The following NCALD variants were observed in gnomAD, a reference collection of about 807,000 sequenced individuals.
NCALD encodes neurocalcin delta.
Under a neutral mutation model 18.6 loss-of-function variants are expected in NCALD, and 10 were observed. That is an observed-to-expected ratio of 0.54 (90% confidence interval 0.33 to 0.91). NCALD has a LOEUF of 0.91. Ranked by LOEUF, NCALD falls within the 40% of genes least tolerant of loss-of-function variation. NCALD has a pLI of 0.03. For synonymous variants in NCALD, 88 were observed against 87.4 expected, an observed-to-expected ratio of 1.01 and a Z score of -0.04; for missense variants, 184 against 247.6, an observed-to-expected ratio of 0.74 and a Z score of 1.72.
At chr8:102,082,226 CTT>C (rs757875219) in intron 1 of NCALD, among the ~76,000 whole-genome samples, 2 of 71,862 alleles carry the variant, frequency 2.8e-5, no homozygotes, top group Admixed American at 1.7e-4. Context: ...GAAGCTCTCT[CTT>C]TTTTTTTTTT....
intron 3 of NCALD, among the ~76,000 whole-genome samples, chr8:101,891,064 A>G (rs979970214): frequency 6.6e-6 from 1 of 152,238 alleles, no homozygotes; most frequent in Admixed American, 6.5e-5. Context: ...TACAAATGGT[A>G]TCTTTTTCAC....
intron 1 of NCALD, among the ~76,000 whole-genome samples, chr8:101,737,804 T>C (rs7002547): frequency 0.61 from 93,511 of 152,092 alleles, 31,348 homozygotes; most frequent in Non-Finnish European, 0.75. Context: ...CTTCCCTCTG[T>C]AGCACTGAGA....
chr8:101,769,122 C>G (rs1811475702), intron 1 of NCALD, among the ~76,000 whole-genome samples: 1 of 152,164 alleles, frequency 6.6e-6, no homozygotes, highest in Non-Finnish European at 1.5e-5. Context: ...AGCTTCTCCC[C>G]TAGACCCTCA....
intron 1 of NCALD, among the ~76,000 whole-genome samples, chr8:101,753,983 C>A (rs1468158512): frequency 1.3e-5 from 2 of 152,166 alleles, no homozygotes; most frequent in African/African-American, 4.8e-5. Flanking sequence ...AGAGAAGGAT[C>A]CAGACAATGC....
At chr8:101,947,415 G>T (rs557350711) in intron 2 of NCALD, among the ~76,000 whole-genome samples, 1 of 152,272 alleles carries the variant, frequency 6.6e-6, no homozygotes, top group South Asian at 2.1e-4. Flanking sequence ...GCAATTTTGT[G>T]AGAGTTTTCA....
At chr8:101,722,069 C>T (rs949920589) in intron 1 of NCALD, among the ~76,000 whole-genome samples, 6 of 152,140 alleles carry the variant, frequency 3.9e-5, no homozygotes, top group African/African-American at 1.4e-4. Flanking sequence ...TCTCAGACTC[C>T]TGGGCTCATG....
chr8:101,787,257 A>G (rs945547517), intron 1 of NCALD, among the ~76,000 whole-genome samples: 13 of 152,202 alleles, frequency 8.5e-5, no homozygotes, highest in South Asian at 2.1e-4. Context: ...AAGTTTCTTT[A>G]TCAAGTTGCT....
At chr8:101,721,711 A>G (rs1358761819) in intron 1 of NCALD, among the ~76,000 whole-genome samples, 4 of 152,086 alleles carry the variant, frequency 2.6e-5, no homozygotes, top group Admixed American at 6.5e-5. Flanking sequence ...AAGTTTATTG[A>G]TTTTGTTTTC....
At chr8:101,745,810 G>C (rs1810403159) in intron 1 of NCALD, 1 of 152,192 alleles carries the variant, frequency 6.6e-6, no homozygotes, top group Admixed American at 6.5e-5. Flanking sequence ...TGTAACAACT[G>C]TAAGAGAGAG....
At chr8:102,086,740 T>C (rs1005150805) in intron 1 of NCALD, among the ~76,000 whole-genome samples, 2 of 152,234 alleles carry the variant, frequency 1.3e-5, no homozygotes, top group Non-Finnish European at 2.9e-5. Flanking sequence ...AAAAGGAGGC[T>C]GAGACCTACT....
At chr8:101,757,690 T>C (rs1243216564) in intron 1 of NCALD, among the ~76,000 whole-genome samples, 2 of 152,316 alleles carry the variant, frequency 1.3e-5, no homozygotes, top group East Asian at 3.9e-4. Context: ...CAATTTTACC[T>C]AAAAATTTAT....
At chr8:101,694,277 C>T (rs1329364839) in intron 2 of NCALD, 1 of 152,236 alleles carries the variant, frequency 6.6e-6, no homozygotes, top group Non-Finnish European at 1.5e-5. Context: ...AGGAAAGCAG[C>T]TGAGGGGAGT....
intron 1 of NCALD, among the ~76,000 whole-genome samples, chr8:102,022,728 C>A (rs1314143497): frequency 6.6e-6 from 1 of 152,158 alleles, no homozygotes; most frequent in Non-Finnish European, 1.5e-5. Context: ...GCAATACTTA[C>A]CACCCTTCCC....
intron 2 of NCALD, among the ~76,000 whole-genome samples, chr8:101,715,064 A>C (rs1231939510): frequency 1.3e-5 from 2 of 151,978 alleles, no homozygotes; most frequent in Non-Finnish European, 2.9e-5. Context: ...CTATACTACA[A>C]GGCTACAGTA....
intron 1 of NCALD, among the ~76,000 whole-genome samples, chr8:102,073,450 AC>A (rs1239817474): frequency 6.6e-6 from 1 of 152,194 alleles, no homozygotes; most frequent in Non-Finnish European, 1.5e-5. Context: ...AGAGAGATAT[AC>A]CTATATACCT....
intron 4 of NCALD, among the ~76,000 whole-genome samples, chr8:101,837,771 C>A (rs766557196): frequency 1.3e-5 from 2 of 152,164 alleles, no homozygotes. Context: ...CAGAGCAATA[C>A]CCTGGGCCCT....
At chr8:101,868,913 T>C (rs757284906) in intron 4 of NCALD, among the ~76,000 whole-genome samples, 28 of 152,232 alleles carry the variant, frequency 1.8e-4, no homozygotes, top group Non-Finnish European at 3.7e-4. Context: ...GTATTTTGTC[T>C]AATTCTTTGT....
At position 101,692,789 on chromosome 8, in the gene NCALD, A is replaced by G; in HGVS notation, c.484+2T>C. 6.2e-7 allele frequency: 1 copy of G among 1,610,380 alleles called. No individual in the cohort carries two copies. Reference sequence around the variant, plus strand: ...CAAAGCAGTGTAGCCCCCGCCTCCTACCGTCTCTATTGGTGTCCATCTGGC... The same window carrying G: ...CAAAGCAGTGTAGCCCCCGCCTCCTGCCGTCTCTATTGGTGTCCATCTGGC... On this transcript the variant is annotated splice_donor_variant, in intron 3 of 3. Transcript: ENST00000220931. LOFTEE classifies it high-confidence loss of function.
At chr8:101,793,693 CATTTT>C (rs1812532953), upstream of NCALD, among the ~76,000 whole-genome samples, 1 of 152,132 alleles carries the variant, frequency 6.6e-6, no homozygotes, top group African/African-American at 2.4e-5. Flanking sequence ...GAATATGTGC[CATTTT>C]ATTTTCTAAT....
Sources: gnomAD v4.1 joint callset for allele counts (sites outside exome capture counted in the v4.1 genomes callset) on GRCh38, gnomAD v4.1.1 for gene constraint, MANE v1.5 for transcripts, NCBI Gene and HGNC (gene_info 2026-07-23, HGNC 2026-07-21) for gene names.